The following FRMPD4 variants were observed in gnomAD, a reference collection of about 807,000 sequenced individuals.
FRMPD4 encodes the protein FERM and PDZ domain containing 4.
A neutral mutation model predicts 94.1 loss-of-function variants in FRMPD4; 22 were observed. The ratio of observed to expected loss-of-function variants is 0.23; its 90% CI spans 0.17 to 0.33. FRMPD4 has a LOEUF of 0.33. Ranked by LOEUF, FRMPD4 falls within the 10% of genes least tolerant of loss-of-function variation. FRMPD4 has a pLI of 1.00. For synonymous variants in FRMPD4, 631 were observed against 548.6 expected (o/e 1.15, Z -2.10); for missense variants, 1,111 against 1,339.9 (o/e 0.83, Z 2.67).
At chrX:12,205,846 G>A (rs1182378057) in intron 1 of FRMPD4, among the ~76,000 whole-genome samples, 1 of 112,006 alleles carries the variant, frequency 8.9e-6, no homozygotes, top group Non-Finnish European at 1.9e-5. Context: ...TTTGGTGTGC[G>A]CCGGCACCAT....
At chrX:12,719,088 C>G (rs771721986) in intron 16 of FRMPD4, among the ~76,000 whole-genome samples, 1 of 112,485 alleles carries the variant, frequency 8.9e-6, no homozygotes, top group African/African-American at 3.2e-5. Flanking sequence ...CCCAGTGTGA[C>G]TTTTAGTTAT....
At chrX:12,512,605 C>A (rs1371801166) in intron 2 of FRMPD4, among the ~76,000 whole-genome samples, 4 of 112,671 alleles carry the variant, frequency 3.6e-5, no homozygotes, top group Admixed American at 2.8e-4. Flanking sequence ...ACCACATTTT[C>A]TTTATCCAGT....
At chrX:12,585,690 C>T (rs1428159405) in intron 2 of FRMPD4, among the ~76,000 whole-genome samples, 2 of 111,976 alleles carry the variant, frequency 1.8e-5, no homozygotes, top group Non-Finnish European at 3.8e-5. Flanking sequence ...AAAAGTCACT[C>T]TGGACTTGCT....
intron 1 of FRMPD4, among the ~76,000 whole-genome samples, chrX:12,165,868 T>C (rs1327452522): frequency 9.0e-6 from 1 of 111,289 alleles, no homozygotes; most frequent in Non-Finnish European, 1.9e-5. Context: ...TATTGGTGTA[T>C]AAGAATGCTT....
intron 1 of FRMPD4, among the ~76,000 whole-genome samples, chrX:12,156,903 T>C (rs1379024011): frequency 5.4e-5 from 6 of 111,409 alleles, no homozygotes; most frequent in African/African-American, 1.7e-4. Flanking sequence ...TACTGTTTTT[T>C]CCATATCTAC....
At chrX:12,673,455 G>A (rs895035876) in intron 4 of FRMPD4, among the ~76,000 whole-genome samples, 1 of 111,548 alleles carries the variant, frequency 9.0e-6, no homozygotes, top group Admixed American at 9.5e-5. Context: ...TCCCCTTAAA[G>A]GCTAGCAGCA....
chrX:12,364,969 C>T (rs2056052998), intron 1 of FRMPD4, among the ~76,000 whole-genome samples: 1 of 112,669 alleles, frequency 8.9e-6, no homozygotes, highest in Non-Finnish European at 1.9e-5. Context: ...GACCTCACCT[C>T]TACGTGTCCT....
chrX:12,225,947 G>A (rs760134469), intron 1 of FRMPD4, among the ~76,000 whole-genome samples: 1 of 111,819 alleles, frequency 8.9e-6, no homozygotes, highest in African/African-American at 3.3e-5. Context: ...GGTATATGAC[G>A]TCAGCCTGCC....
At chrX:12,389,933 G>A (rs1024962131) in intron 1 of FRMPD4, among the ~76,000 whole-genome samples, 1 of 111,909 alleles carries the variant, frequency 8.9e-6, no homozygotes, top group Non-Finnish European at 1.9e-5. Flanking sequence ...AAGGTTGACT[G>A]TGCTGAGATT....
chrX:12,390,629 G>GC (rs2056461665), intron 1 of FRMPD4, among the ~76,000 whole-genome samples: 1 of 111,726 alleles, frequency 9.0e-6, no homozygotes, highest in African/African-American at 3.3e-5. Context: ...AGAAATTGAT[G>GC]CCCCCAAAGA....
chrX:12,115,236 G>A (rs1235522261), intron 3 of FRMPD4, among the ~76,000 whole-genome samples: 1 of 112,004 alleles, frequency 8.9e-6, no homozygotes, highest in Non-Finnish European at 1.9e-5. Flanking sequence ...TTTCATTTTT[G>A]TTTTTTAATG....
intron 1 of FRMPD4, among the ~76,000 whole-genome samples, chrX:12,346,278 G>GAAAA (rs36067490): frequency 1.0e-5 from 1 of 100,313 alleles, no homozygotes; most frequent in African/African-American, 3.6e-5. Context: ...TGTTTTGCAG[G>GAAAA]AAAAAAAAAA....
At chrX:11,850,669 G>A (rs1010729646) in intron 1 of FRMPD4, among the ~76,000 whole-genome samples, 13 of 112,232 alleles carry the variant, frequency 1.2e-4, no homozygotes, top group African/African-American at 3.5e-4. Flanking sequence ...TAAACTTTCA[G>A]AATGTTATGC....
chrX:12,327,841 C>T (rs2055312540), intron 1 of FRMPD4, among the ~76,000 whole-genome samples: 2 of 110,279 alleles, frequency 1.8e-5, no homozygotes, highest in African/African-American at 6.6e-5. Context: ...CCTGCTAGTA[C>T]ACACTGTGCC....
intron 1 of FRMPD4, among the ~76,000 whole-genome samples, chrX:12,266,040 G>T (rs2054268389): frequency 9.6e-6 from 1 of 103,674 alleles, no homozygotes; most frequent in Non-Finnish European, 2.0e-5. Flanking sequence ...GCCTGAGGCA[G>T]GAGAATGGCG....
intron 14 of FRMPD4, 67 bp from the exon 15 acceptor site, chrX:12,716,002 C>CG: frequency 1.8e-5 from 3 of 162,719 alleles, no homozygotes; most frequent in Non-Finnish European, 3.8e-5. Flanking sequence ...AGACGAGCCT[C>CG]CCACCCCCGC....
Position 12,720,528 on chromosome X carries a change from G to A in FRMPD4, c.3965-6G>A. 1 of 1,207,877 alleles carries A rather than the reference G, an allele frequency of 8.3e-7. No individual in the cohort carries two copies. The highest frequency in any genetic ancestry group is 1.1e-6 in the Non-Finnish European group (1 of 892,917). On this transcript the variant is annotated splice_polypyrimidine_tract_variant and splice_region_variant and intron_variant, in intron 16 of 16. Transcript: ENST00000675598. ...TCTCTCTGTTTTTCTACTACCCCTA[G>A]TGTAGCTTTGACAGAGCCTGGGAAG...
chrX:12,078,259 T>G (rs942809992), intron 3 of FRMPD4, among the ~76,000 whole-genome samples: 4 of 112,285 alleles, frequency 3.6e-5, no homozygotes, highest in African/African-American at 1.3e-4. Context: ...AATTTCTCAT[T>G]CTAGTGTTTT....
intron 1 of FRMPD4, among the ~76,000 whole-genome samples, chrX:12,391,705 A>G (rs2056477075): frequency 9.0e-6 from 1 of 111,350 alleles, no homozygotes; most frequent in Non-Finnish European, 1.9e-5. Context: ...TACTGAAAAT[A>G]TCTGGAGCTA....
Sources: gnomAD v4.1 joint callset for allele counts (sites outside exome capture counted in the v4.1 genomes callset) on GRCh38, gnomAD v4.1.1 for gene constraint, MANE v1.5 for transcripts, NCBI Gene and HGNC (gene_info 2026-07-23, HGNC 2026-07-21) for gene names.